Variants in HERC4 observed in about 807,000 individuals in gnomAD.
HERC4 encodes HECT and RLD domain containing E3 ubiquitin protein ligase 4.
HERC4 carries 28 observed loss-of-function variants against 124.3 expected under a neutral mutation model. That is an observed-to-expected ratio of 0.23 (90% CI 0.17 to 0.31). The LOEUF is 0.31. Among genes scored for constraint, HERC4 ranks in the 10% least tolerant of loss-of-function variants. The probability of loss-of-function intolerance (pLI) is 1.00; values close to 1 mark genes in which losing one functional copy is unlikely to be tolerated. For missense variants in HERC4, 713 were observed against 1,229.3 expected (o/e 0.58, Z 6.28); for synonymous variants, 407 against 421.5 (o/e 0.97, Z 0.42).
chr10:67,927,413 TATATATATATA>T (rs1482777155), intron 23 of HERC4, among the ~76,000 whole-genome samples: 537 of 12,936 alleles, frequency 0.042, 51 homozygotes, highest in East Asian at 0.18. Flanking sequence ...TATATATATA[TATATATATATA>T]TATATATTTT....
intron 10 of HERC4, 71 bp downstream of exon 10, chr10:67,992,535 T>C (rs2036608586): frequency 9.2e-7 from 1 of 1,090,620 alleles, no homozygotes. Context: ...ATAAAGAACA[T>C]TAATAATGGG....
intron 4 of HERC4, among the ~76,000 whole-genome samples, chr10:68,042,631 A>T (rs944458019): frequency 6.6e-6 from 1 of 152,174 alleles, no homozygotes. Flanking sequence ...TCAAGAAACA[A>T]ACAAACAAAA....
intron 15 of HERC4, among the ~76,000 whole-genome samples, chr10:67,975,252 G>A (rs888239718): frequency 6.6e-6 from 1 of 151,958 alleles, no homozygotes; most frequent in African/African-American, 2.4e-5. Flanking sequence ...TATCATTAAA[G>A]TGGACTTCAT....
At chr10:68,015,738 C>G (rs2038224217) in intron 8 of HERC4, among the ~76,000 whole-genome samples, 1 of 152,166 alleles carries the variant, frequency 6.6e-6, no homozygotes, top group South Asian at 2.1e-4. Context: ...CCTCCTCACA[C>G]TGGACTAATA....
chr10:68,032,899 T>C (rs758421693), intron 6 of HERC4, 30 bp from the exon 7 acceptor site: 3 of 1,180,170 alleles, frequency 2.5e-6, no homozygotes, highest in Admixed American at 1.7e-5. Flanking sequence ...ATGTTAATAG[T>C]ATTTTAAAAA....
chr10:68,017,271 C>T (rs1265816552), intron 8 of HERC4, among the ~76,000 whole-genome samples: 1 of 152,218 alleles, frequency 6.6e-6, no homozygotes, highest in African/African-American at 2.4e-5. Context: ...AGCTGAAACA[C>T]AGCCTGAGCA....
intron 9 of HERC4, among the ~76,000 whole-genome samples, chr10:68,007,102 A>G (rs2037618098): frequency 6.6e-6 from 1 of 152,162 alleles, no homozygotes; most frequent in South Asian, 2.1e-4. Flanking sequence ...TAAGGCCAGT[A>G]ACCCTTAGAT....
At chr10:67,934,685 G>C (rs2032172589) in intron 22 of HERC4, among the ~76,000 whole-genome samples, 1 of 152,136 alleles carries the variant, frequency 6.6e-6, no homozygotes, top group South Asian at 2.1e-4. Context: ...AGAATTCTAA[G>C]TTAAAAGTAA....
chr10:67,927,342 A>C (rs1253296205), intron 23 of HERC4, among the ~76,000 whole-genome samples: 1 of 147,876 alleles, frequency 6.8e-6, no homozygotes, highest in East Asian at 2.0e-4. Context: ...AATCAGATAT[A>C]CAACAGAAGA....
chr10:68,052,620 T>C (rs1458014349), intron 3 of HERC4, among the ~76,000 whole-genome samples: 1 of 152,192 alleles, frequency 6.6e-6, no homozygotes, highest in African/African-American at 2.4e-5. Flanking sequence ...TACTTCCTGT[T>C]GAATGAGTAA....
intron 5 of HERC4, among the ~76,000 whole-genome samples, chr10:68,035,060 T>G (rs2039387924): frequency 6.6e-6 from 1 of 152,170 alleles, no homozygotes; most frequent in Non-Finnish European, 1.5e-5. Context: ...AATAACTGAT[T>G]TTTTTAAGTT....
chr10:68,043,072 T>C (rs2039848975), intron 4 of HERC4, among the ~76,000 whole-genome samples: 1 of 152,204 alleles, frequency 6.6e-6, no homozygotes. Context: ...ACAACCCTCA[T>C]ATAAATTTTA....
At chr10:68,023,916 T>C (rs1041994517) in intron 8 of HERC4, among the ~76,000 whole-genome samples, 1 of 152,172 alleles carries the variant, frequency 6.6e-6, no homozygotes, top group African/African-American at 2.4e-5. Context: ...TAGGAAAATA[T>C]TTCTTAGAAA....
chr10:67,973,668 T>A (rs1470061583), intron 15 of HERC4, among the ~76,000 whole-genome samples: 1 of 152,044 alleles, frequency 6.6e-6, no homozygotes, highest in Non-Finnish European at 1.5e-5. Flanking sequence ...TAGATAAGAA[T>A]TCAGAGGTCA....
chr10:67,993,687 C>T (rs1231202751), intron 9 of HERC4: 2 of 151,504 alleles, frequency 1.3e-5, no homozygotes, highest in Non-Finnish European at 2.9e-5. Flanking sequence ...CAAATTAGGC[C>T]CCAAAGTGAA....
intron 6 of HERC4, 128 bp downstream of exon 6, chr10:68,033,837 A>G: frequency 2.9e-6 from 2 of 700,846 alleles, no homozygotes; most frequent in Non-Finnish European, 4.7e-6. Flanking sequence ...GAATTTTTAA[A>G]TAACATCTCA....
chr10:68,015,618 G>C (rs115893043), intron 8 of HERC4, among the ~76,000 whole-genome samples: 2,509 of 152,228 alleles, frequency 0.016, 78 homozygotes, highest in African/African-American at 0.057. Flanking sequence ...TGATTCAAGA[G>C]TTTTCAAGTT....
At chr10:68,050,996 A>C (rs1203770124) in intron 3 of HERC4, among the ~76,000 whole-genome samples, 1 of 151,966 alleles carries the variant, frequency 6.6e-6, no homozygotes, top group African/African-American at 2.4e-5. Context: ...AGGTACTATC[A>C]CCAAAGTACA....
chr10:67,938,434 T>C (rs1446340615), intron 21 of HERC4, among the ~76,000 whole-genome samples: 1 of 140,516 alleles, frequency 7.1e-6, no homozygotes, highest in African/African-American at 2.9e-5. Context: ...CAAGATTCTG[T>C]CTCAAAAAAA....
Sources: gnomAD v4.1 joint callset for allele counts (sites outside exome capture counted in the v4.1 genomes callset) on GRCh38, gnomAD v4.1.1 for gene constraint, MANE v1.5 for transcripts, NCBI Gene and HGNC (gene_info 2026-07-23, HGNC 2026-07-21) for gene names.